Variants in DAB1 observed in about 807,000 individuals in gnomAD.
DAB1 encodes the protein disabled homolog 1.
Under a neutral mutation model 64.6 loss-of-function variants are expected in DAB1, and 15 were observed. That is an observed-to-expected ratio of 0.23 (90% confidence interval 0.16 to 0.36). The LOEUF (loss-of-function observed/expected upper bound fraction) is 0.36, where lower values mean the gene tolerates loss of function less well. Ranked by LOEUF, DAB1 falls within the 10% of genes least tolerant of loss-of-function variation. DAB1 has a pLI of 1.00. For synonymous variants in DAB1, 235 were observed against 251.9 expected, an observed-to-expected ratio of 0.93 and a Z score of 0.64; for missense variants, 596 against 706.7, an observed-to-expected ratio of 0.84 and a Z score of 1.78.
chr1:58,503,757 A>T (rs1217532441), intron 3 of DAB1, among the ~76,000 whole-genome samples: 1 of 152,114 alleles, frequency 6.6e-6, no homozygotes, highest in Non-Finnish European at 1.5e-5. Flanking sequence ...TGGATCTAAG[A>T]TTTCACAGCC....
chr1:57,056,772 G>A (rs1382026049), intron 9 of DAB1, among the ~76,000 whole-genome samples: 1 of 151,996 alleles, frequency 6.6e-6, no homozygotes, highest in Non-Finnish European at 1.5e-5. Context: ...GCTGAGGTGG[G>A]AGAATCGCTT....
At chr1:58,268,504 A>C (rs1661229647) in intron 4 of DAB1, among the ~76,000 whole-genome samples, 1 of 152,182 alleles carries the variant, frequency 6.6e-6, no homozygotes, top group African/African-American at 2.4e-5. Context: ...ATAAAAGTAG[A>C]GCTTTTCCTG....
At chr1:57,140,362 A>G (rs1458867718) in intron 3 of DAB1, among the ~76,000 whole-genome samples, 2 of 152,148 alleles carry the variant, frequency 1.3e-5, no homozygotes, top group Non-Finnish European at 2.9e-5. Context: ...ACATAAGGCC[A>G]GGGGATCAAA....
chr1:57,990,964 G>A (rs1290301631), intron 5 of DAB1, among the ~76,000 whole-genome samples: 2 of 152,208 alleles, frequency 1.3e-5, no homozygotes, highest in Admixed American at 1.3e-4. Context: ...GCTACTTGGG[G>A]TGGGAGGAGA....
intron 3 of DAB1, among the ~76,000 whole-genome samples, chr1:58,381,285 T>G (rs548998873): frequency 6.6e-6 from 1 of 151,884 alleles, no homozygotes; most frequent in East Asian, 1.9e-4. Context: ...ATGCTACACA[T>G]GTATCCCCGA....
intron 2 of DAB1, among the ~76,000 whole-genome samples, chr1:57,170,336 C>G (rs1282800225): frequency 6.6e-6 from 1 of 152,046 alleles, no homozygotes. Flanking sequence ...ATAATTTTTT[C>G]CTTTAACACT....
At chr1:57,960,220 C>T (rs935400309) in intron 5 of DAB1, among the ~76,000 whole-genome samples, 1 of 152,168 alleles carries the variant, frequency 6.6e-6, no homozygotes, top group Non-Finnish European at 1.5e-5. Flanking sequence ...GCTTTGGAGT[C>T]AGAAAGCCCT....
chr1:58,079,111 A>C (rs1649826621), intron 5 of DAB1, among the ~76,000 whole-genome samples: 1 of 152,178 alleles, frequency 6.6e-6, no homozygotes, highest in African/African-American at 2.4e-5. Flanking sequence ...CAAAAAAAGA[A>C]ACAAAGGCTC....
intron 4 of DAB1, among the ~76,000 whole-genome samples, chr1:57,100,594 G>GA (rs1269758485): frequency 6.6e-6 from 1 of 152,122 alleles, no homozygotes; most frequent in Non-Finnish European, 1.5e-5. Flanking sequence ...TATAATGTGA[G>GA]AAAAAAATGT....
intron 8 of DAB1, among the ~76,000 whole-genome samples, chr1:57,068,279 A>G (rs1348727783): frequency 6.6e-6 from 1 of 152,202 alleles, no homozygotes; most frequent in Non-Finnish European, 1.5e-5. Context: ...TTCTTATTAA[A>G]GATACTTGGT....
intron 2 of DAB1, among the ~76,000 whole-genome samples, chr1:58,514,176 A>C (rs940888438): frequency 2.6e-5 from 4 of 152,184 alleles, no homozygotes; most frequent in African/African-American, 9.7e-5. Context: ...ATTTACAAGA[A>C]GGTTCTAGTA....
At chr1:58,387,862 G>T (rs553513625) in intron 3 of DAB1, among the ~76,000 whole-genome samples, 1 of 151,764 alleles carries the variant, frequency 6.6e-6, no homozygotes, top group Non-Finnish European at 1.5e-5. Context: ...AAGTAGCTGG[G>T]ACTACAGGCG....
chr1:58,060,831 C>T (rs1477656363), intron 5 of DAB1, among the ~76,000 whole-genome samples: 1 of 152,248 alleles, frequency 6.6e-6, no homozygotes, highest in East Asian at 1.9e-4. Flanking sequence ...TGCTCACACA[C>T]CTTTTCCTGC....
At chr1:57,022,394 C>G (rs1323235074) in intron 11 of DAB1, among the ~76,000 whole-genome samples, 1 of 152,206 alleles carries the variant, frequency 6.6e-6, no homozygotes, top group East Asian at 1.9e-4. Flanking sequence ...GTCATCATCA[C>G]TATCCCTTTT....
At chr1:57,841,466 C>G (rs1453557342) in intron 1 of DAB1, among the ~76,000 whole-genome samples, 1 of 152,206 alleles carries the variant, frequency 6.6e-6, no homozygotes, top group Non-Finnish European at 1.5e-5. Flanking sequence ...CTGCATTACC[C>G]TAGTAGAAGT....
At chr1:57,901,114 G>T (rs1292862792) in intron 5 of DAB1, among the ~76,000 whole-genome samples, 2 of 152,132 alleles carry the variant, frequency 1.3e-5, no homozygotes, top group Non-Finnish European at 2.9e-5. Context: ...CTTACAGAAG[G>T]TAAGCTGTTC....
At chr1:58,021,941 C>T (rs970871282) in intron 5 of DAB1, among the ~76,000 whole-genome samples, 3 of 152,270 alleles carry the variant, frequency 2.0e-5, no homozygotes, top group African/African-American at 7.2e-5. Flanking sequence ...GAGTAGGTGG[C>T]TTAAACTATC....
At chr1:57,470,315 C>A (rs910942157) in intron 7 of DAB1, among the ~76,000 whole-genome samples, 23 of 152,220 alleles carry the variant, frequency 1.5e-4, no homozygotes, top group African/African-American at 5.3e-4. Context: ...GCAACTGCAG[C>A]TTTTCACCTC....
intron 5 of DAB1, among the ~76,000 whole-genome samples, chr1:57,970,320 A>G (rs932797429): frequency 6.6e-6 from 1 of 152,188 alleles, no homozygotes; most frequent in Non-Finnish European, 1.5e-5. Context: ...GGAGCAGCCA[A>G]AAAACACATG....
Sources: gnomAD v4.1 joint callset for allele counts (sites outside exome capture counted in the v4.1 genomes callset) on GRCh38, gnomAD v4.1.1 for gene constraint, MANE v1.5 for transcripts, NCBI Gene and HGNC (gene_info 2026-07-23, HGNC 2026-07-21) for gene names.